Variants in NRP1 observed in about 807,000 individuals in gnomAD.
NRP1 encodes neuropilin-1.
NRP1 carries 35 observed loss-of-function variants against 106.7 expected under a neutral mutation model. That is an observed-to-expected ratio of 0.33 (90% confidence interval 0.25 to 0.43). NRP1 has a LOEUF of 0.43. Among genes scored for constraint, NRP1 ranks in the 20% least tolerant of loss-of-function variants. NRP1 has a pLI of 1.00. For synonymous variants in NRP1, 437 were observed against 417.9 expected (o/e 1.05, Z -0.56); for missense variants, 1,024 against 1,170.4 (o/e 0.87, Z 1.83).
At chr10:33,303,998 A>G (rs1171629268) in intron 2 of NRP1, among the ~76,000 whole-genome samples, 2 of 152,182 alleles carry the variant, frequency 1.3e-5, no homozygotes, top group Admixed American at 1.3e-4. Flanking sequence ...TTTTTTCCCA[A>G]ATCTTGAGAA....
intron 3 of NRP1, among the ~76,000 whole-genome samples, chr10:33,269,266 G>T (rs1843129137): frequency 6.6e-6 from 1 of 152,154 alleles, no homozygotes; most frequent in African/African-American, 2.4e-5. Flanking sequence ...TTACATGTTT[G>T]TTAATTTGTT....
intron 9 of NRP1, 44 bp from the exon 10 acceptor site, chr10:33,207,760 CAG>C (rs1837919489): frequency 1.3e-6 from 2 of 1,556,316 alleles, no homozygotes; most frequent in Non-Finnish European, 8.8e-7. Flanking sequence ...AAAAAAAAAA[CAG>C]AGCTCCCTTT....
intron 2 of NRP1, among the ~76,000 whole-genome samples, chr10:33,273,416 T>G (rs1843456040): frequency 6.6e-6 from 1 of 152,208 alleles, no homozygotes; most frequent in Non-Finnish European, 1.5e-5. Context: ...AGTTTCGCAC[T>G]GGCAAGCGTG....
chr10:33,242,944 T>A (rs1349440353), intron 6 of NRP1, among the ~76,000 whole-genome samples: 3 of 152,204 alleles, frequency 2.0e-5, no homozygotes, highest in Non-Finnish European at 4.4e-5. Context: ...AACATGGTAT[T>A]TGTCTTCTTA....
chr10:33,179,878 G>A lies in NRP1; in HGVS notation c.*198C>T, dbSNP rs961943074. ...AAATGAAACCAACAGGAAAAAAGCT[G>A]ACTGCACATGAGTCCGATGGTGAAC... On this transcript the variant is annotated 3_prime_UTR_variant, in exon 17 of 17. Transcript: ENST00000374867. The A allele has an allele frequency of 3.3e-6, 2 of 599,230 alleles. No individual in the cohort carries two copies. The highest frequency in any genetic ancestry group is 4.6e-5 in the South Asian group (2 of 43,706). The allele number at this position is 599,230 out of a possible 1,614,324, so 37.1% of individuals were successfully genotyped here. A position where few individuals can be genotyped will look rare whatever the true frequency, so the allele number is the denominator to read the frequency against.
intron 6 of NRP1, chr10:33,249,585 G>T: frequency 2.1e-6 from 1 of 480,284 alleles, no homozygotes; most frequent in South Asian, 1.6e-5. Flanking sequence ...AAAGGAAAAA[G>T]GTAAAATTAA....
At chr10:33,194,760 A>G (rs1266866032) in intron 12 of NRP1, 2 of 527,680 alleles carry the variant, frequency 3.8e-6, no homozygotes, top group Non-Finnish European at 7.8e-6. Context: ...GAGAGGTTCA[A>G]TGTGGAAACT....
intron 4 of NRP1, among the ~76,000 whole-genome samples, chr10:33,262,687 G>A (rs1300635230): frequency 1.5e-5 from 2 of 131,414 alleles, no homozygotes; most frequent in African/African-American, 6.1e-5. Flanking sequence ...TGGGTGACAA[G>A]AGCAAAACTC....
intron 16 of NRP1, 27 bp from the exon 17 acceptor site, chr10:33,180,392 G>A (rs777977288): frequency 1.9e-5 from 30 of 1,548,678 alleles, no homozygotes; most frequent in South Asian, 1.1e-4. Context: ...TATTGTCTCC[G>A]TGAGCACCGC....
intron 12 of NRP1, chr10:33,195,463 C>T (rs750263126): frequency 1.9e-6 from 1 of 532,000 alleles, no homozygotes; most frequent in Non-Finnish European, 3.9e-6. Context: ...TGAGAATCAG[C>T]AAGATGAAAT....
rs902530531 is a variant in NRP1 at position 33,179,201 on chromosome 10, A to C, written c.*875T>G. The C allele has an allele frequency of 4.6e-5, 7 of 152,664 alleles. No homozygotes were observed. Among genetic ancestry groups the C allele is most frequent in the Non-Finnish European group, 7.3e-5 (5 of 68,052 alleles). The allele number at this position is 152,664 out of a possible 1,614,324, so 9.5% of individuals were successfully genotyped here. ...GCCTGCCCGGAGGGGCTGGCATCTC[A>C]CACGAAAATAAACTTTCTTCTTAGT... On this transcript the variant is annotated 3_prime_UTR_variant, in exon 17 of 17. Transcript: ENST00000374867.
At chr10:33,240,842 C>G (rs914536213) in intron 6 of NRP1, among the ~76,000 whole-genome samples, 1 of 152,146 alleles carries the variant, frequency 6.6e-6, no homozygotes, top group Non-Finnish European at 1.5e-5. Context: ...CTAGGTACAG[C>G]TGGTTGTCAG....
At chr10:33,237,768 G>C (rs1244789168) in intron 6 of NRP1, among the ~76,000 whole-genome samples, 1 of 151,620 alleles carries the variant, frequency 6.6e-6, no homozygotes, top group Non-Finnish European at 1.5e-5. Flanking sequence ...TGTCCTGTTG[G>C]CCAGGCAGTT....
At position 33,178,508 on chromosome 10, in the gene NRP1, T is replaced by G. The variant is rs1011110885; in HGVS notation, c.*1568A>C. On this transcript the variant is annotated 3_prime_UTR_variant, in exon 17 of 17. Transcript: ENST00000374867. Reference sequence around the variant, plus strand: ...GTTTGACTTTATGTGTTTTTCCCCCTCTTATCTTAAAATACTTGACCCCCA... The same window carrying G: ...GTTTGACTTTATGTGTTTTTCCCCCGCTTATCTTAAAATACTTGACCCCCA... The G allele has an allele frequency of 6.6e-6, 1 of 152,228 alleles. No individual in the cohort carries two copies. Among genetic ancestry groups the G allele is most frequent in the African/African-American group, 2.4e-5 (1 of 41,456 alleles). 9.4% of individuals were successfully genotyped at this position (152,228 alleles called of 1,614,324 possible). A position where few individuals can be genotyped will look rare whatever the true frequency, so the allele number is the denominator to read the frequency against.
chr10:33,317,742 ACTGAAATAGCATCTT>A (rs1387811216), intron 2 of NRP1, among the ~76,000 whole-genome samples: 1 of 152,236 alleles, frequency 6.6e-6, no homozygotes, highest in Non-Finnish European at 1.5e-5. Flanking sequence ...AGTTCGTGAC[ACTGAAATAGCATCTT>A]CTATGAGGTT....
chr10:33,232,703 C>T (rs78905792), intron 6 of NRP1, among the ~76,000 whole-genome samples: 19,382 of 134,546 alleles, frequency 0.14, 1,426 homozygotes, highest in Middle Eastern at 0.2. Context: ...AGTGCAATGG[C>T]GAGATCTCAG....
intron 2 of NRP1, among the ~76,000 whole-genome samples, chr10:33,272,989 G>A (rs1843417818): frequency 6.6e-6 from 1 of 150,866 alleles, no homozygotes; most frequent in Non-Finnish European, 1.5e-5. Context: ...ATTGCAACAG[G>A]GAAAGAAGCT....
At chr10:33,318,975 G>A (rs530721472) in intron 2 of NRP1, among the ~76,000 whole-genome samples, 10 of 150,414 alleles carry the variant, frequency 6.6e-5, no homozygotes, top group African/African-American at 2.2e-4. Flanking sequence ...GGGTCGAGTG[G>A]GGACTTAGAG....
chr10:33,276,214 A>T (rs969493815), intron 2 of NRP1, among the ~76,000 whole-genome samples: 5 of 152,334 alleles, frequency 3.3e-5, no homozygotes, highest in Admixed American at 3.3e-4. Context: ...AACTACCTAT[A>T]TATAAATAAA....
Sources: gnomAD v4.1 joint callset for allele counts (sites outside exome capture counted in the v4.1 genomes callset) on GRCh38, gnomAD v4.1.1 for gene constraint, MANE v1.5 for transcripts, NCBI Gene and HGNC (gene_info 2026-07-23, HGNC 2026-07-21) for gene names.